Variants in ABLIM1 observed in about 807,000 individuals in gnomAD.
ABLIM1 encodes actin-binding LIM protein 1.
Under a neutral mutation model 107.0 loss-of-function variants are expected in ABLIM1, and 40 were observed. The observed-to-expected ratio is 0.37, with a 90% CI of 0.29 to 0.49. The LOEUF is 0.49. Among genes scored for constraint, ABLIM1 ranks in the 20% least tolerant of loss-of-function variants. The pLI is 0.97. For synonymous variants in ABLIM1, 357 were observed against 357.3 expected, an observed-to-expected ratio of 1.00 and a Z score of 0.01; for missense variants, 857 against 1,008.5, an observed-to-expected ratio of 0.85 and a Z score of 2.04.
chr10:114,565,078 G>A lies in ABLIM1; in HGVS notation c.673+6219C>T, dbSNP rs138605235. ...CACATATCCTTTAAGTGCTAGAGCTGGAATTAGAACCAGCCAACAACTTGT... is the reference window on the plus strand; with the variant it reads ...CACATATCCTTTAAGTGCTAGAGCTAGAATTAGAACCAGCCAACAACTTGT... On this transcript the variant is annotated intron_variant, in intron 4 of 22. Transcript: ENST00000533213. Among the ~76,000 whole-genome samples the A allele has an allele frequency of 3.9e-5, 6 of 152,320 alleles. No homozygotes were observed. The East Asian group carries it at 1.2e-3, about 29-fold the overall frequency.
At chr10:114,589,309 C>T (rs1488161735) in intron 2 of ABLIM1, among the ~76,000 whole-genome samples, 2 of 149,632 alleles carry the variant, frequency 1.3e-5, no homozygotes, top group East Asian at 2.0e-4. Context: ...GCAGGTAGAT[C>T]ACCTGAGGTC....
intron 1 of ABLIM1, among the ~76,000 whole-genome samples, chr10:114,648,194 G>A (rs10885589): frequency 0.37 from 55,698 of 152,010 alleles, 11,803 homozygotes; most frequent in Non-Finnish European, 0.48. Context: ...TACCCAAGGG[G>A]ACTGAAAACA....
At chr10:114,516,604 A>G (rs950488815) in intron 6 of ABLIM1, among the ~76,000 whole-genome samples, 1 of 152,246 alleles carries the variant, frequency 6.6e-6, no homozygotes, top group East Asian at 1.9e-4. Context: ...CCTTAAAGAA[A>G]CTATTGAAAA....
At position 114,451,478 on chromosome 10, in the gene ABLIM1, T is replaced by C. The variant is rs774018187; in HGVS notation, c.1594+146A>G. The C allele has an allele frequency of 3.2e-5, 25 of 789,058 alleles. No homozygotes were observed. In the Middle Eastern group the frequency reaches 7.1e-4, roughly 22 times the overall value. 48.9% of individuals were successfully genotyped at this position (789,058 alleles called of 1,614,324 possible). A position where few individuals can be genotyped will look rare whatever the true frequency, so the allele number is the denominator to read the frequency against. On this transcript the variant is annotated intron_variant, in intron 14 of 22. Transcript: ENST00000533213. ...GAGAATCAATTTTACAATATTTACA[T>C]CTTAGTAGACCAGAAAGGCATAATA...
intron 2 of ABLIM1, among the ~76,000 whole-genome samples, chr10:114,593,840 T>A (rs1278158526): frequency 6.6e-6 from 1 of 152,210 alleles, no homozygotes; most frequent in Admixed American, 6.5e-5. Context: ...TGTTCCAGTT[T>A]GGAATTCAAA....
chr10:114,776,341 G>A, the ABLIM1 span, among the ~76,000 whole-genome samples: 5 of 152,254 alleles, frequency 3.3e-5, no homozygotes, highest in Admixed American at 1.3e-4. Context: ...TGGGCCGGGC[G>A]TGGTGGCTCA....
intron 1 of ABLIM1, among the ~76,000 whole-genome samples, chr10:114,717,468 T>C (rs1244539161): frequency 6.6e-6 from 1 of 152,168 alleles, no homozygotes; most frequent in Non-Finnish European, 1.5e-5. Context: ...ATGCACATTG[T>C]AGGGTCTTTA....
rs551409912 is a variant in ABLIM1 at position 114,507,156 on chromosome 10, A to T, written c.895-15278T>A. Among the ~76,000 whole-genome samples, 16 of 152,346 alleles carry T rather than the reference A, an allele frequency of 1.1e-4. No individual in the cohort carries two copies. In the South Asian group the frequency reaches 3.3e-3, roughly 32 times the overall value. On this transcript the variant is annotated intron_variant, in intron 6 of 22. Transcript: ENST00000533213. ...AAAAACACAGCTTGCTTTTAAAAACATCCTTGTCTGATTTCCTCTCCTATT... is the reference window on the plus strand; with the variant it reads ...AAAAACACAGCTTGCTTTTAAAAACTTCCTTGTCTGATTTCCTCTCCTATT...
intron 1 of ABLIM1, among the ~76,000 whole-genome samples, chr10:114,753,784 T>A (rs768065451): frequency 5.9e-5 from 9 of 152,224 alleles, no homozygotes; most frequent in Non-Finnish European, 1.2e-4. Context: ...TGAACAAGGT[T>A]AGAAACTGCA....
At chr10:114,674,805 G>A (rs1448204847) in intron 1 of ABLIM1, among the ~76,000 whole-genome samples, 7 of 149,410 alleles carry the variant, frequency 4.7e-5, no homozygotes, top group African/African-American at 7.4e-5. Flanking sequence ...AAATTTATAA[G>A]AATGCTCTGA....
intron 2 of ABLIM1, among the ~76,000 whole-genome samples, chr10:114,594,787 A>C (rs1197329252): frequency 1.3e-5 from 2 of 152,140 alleles, no homozygotes; most frequent in African/African-American, 4.8e-5. Context: ...TGAATAACCA[A>C]GTTCTAAATA....
chr10:114,684,839 CCT>C (rs1372445200), exon 1 of ABLIM1: 1 of 555,908 alleles, frequency 1.8e-6, no homozygotes, highest in African/African-American at 2.1e-5. Context: ...CCTTCTGCCT[CCT>C]CTTTTTCCTT....
chr10:114,542,671 G>T (rs968034183), intron 6 of ABLIM1, among the ~76,000 whole-genome samples: 1 of 152,148 alleles, frequency 6.6e-6, no homozygotes, highest in Non-Finnish European at 1.5e-5. Context: ...AACTCAACAG[G>T]TTTATTTCAG....
chr10:114,467,330 T>C (rs1383830842), intron 11 of ABLIM1, among the ~76,000 whole-genome samples: 2 of 152,194 alleles, frequency 1.3e-5, no homozygotes, highest in Non-Finnish European at 2.9e-5. Context: ...AAGAATATTT[T>C]ACATTTTAGG....
In ABLIM1 at chr10:114,718,622, A is replaced by G. The variant is rs199725163; in HGVS notation, c.-213+49439T>C. Among the ~76,000 whole-genome samples the G allele has an allele frequency of 1.2e-4, 19 of 152,344 alleles. No individual in the cohort carries two copies. The East Asian group carries it at 3.7e-3, about 29-fold the overall frequency. ...TAACCCAGAAGGTCTTCCGGGGGGA[A>G]TCAGACTAGAAGCCAAAGGAATATA... On this transcript the variant is annotated intron_variant, in intron 1 of 15. Transcript: ENST00000651092.
chr10:114,606,981 G>A (rs780159983), intron 1 of ABLIM1, among the ~76,000 whole-genome samples: 1 of 152,092 alleles, frequency 6.6e-6, no homozygotes, highest in Non-Finnish European at 1.5e-5. Flanking sequence ...CACATCCCCT[G>A]TGCCTCAATC....
At chr10:114,496,500 G>C (rs984523500) in intron 6 of ABLIM1, among the ~76,000 whole-genome samples, 1 of 152,072 alleles carries the variant, frequency 6.6e-6, no homozygotes, top group Non-Finnish European at 1.5e-5. Flanking sequence ...AGCCTGTTGG[G>C]GGAGGGTGGC....
intron 1 of ABLIM1, among the ~76,000 whole-genome samples, chr10:114,640,325 G>A (rs781720465): frequency 6.6e-6 from 1 of 152,204 alleles, no homozygotes; most frequent in Non-Finnish European, 1.5e-5. Context: ...CCAGGAGTTC[G>A]AGACCAGCCT....
chr10:114,513,977 CA>C (rs1441149450), intron 6 of ABLIM1, among the ~76,000 whole-genome samples: 1 of 152,188 alleles, frequency 6.6e-6, no homozygotes, highest in Non-Finnish European at 1.5e-5. Flanking sequence ...TGACTATACT[CA>C]AGGAATAACT....
Sources: gnomAD v4.1 joint callset for allele counts (sites outside exome capture counted in the v4.1 genomes callset) on GRCh38, gnomAD v4.1.1 for gene constraint, MANE v1.5 for transcripts, NCBI Gene and HGNC (gene_info 2026-07-23, HGNC 2026-07-21) for gene names.